The following GALM variants were observed in gnomAD, a reference collection of about 807,000 sequenced individuals.
GALM encodes galactose mutarotase.
In GALM, 43 loss-of-function variants were observed where a neutral mutation model predicts 37.4. The observed-to-expected ratio is 1.15, with a 90% CI of 0.90 to 1.48. The LOEUF is 1.48. Ranked by LOEUF, GALM falls within the 40% of genes most tolerant of loss-of-function variation. GALM has a pLI of 0.00. For synonymous variants in GALM, 199 were observed against 170.6 expected (o/e 1.17, Z -1.30); for missense variants, 456 against 419.1 (o/e 1.09, Z -0.77).
intron 4 of GALM, among the ~76,000 whole-genome samples, chr2:38,703,530 T>C (rs1278556943): frequency 6.6e-6 from 1 of 152,142 alleles, no homozygotes; most frequent in Non-Finnish European, 1.5e-5. Flanking sequence ...CTGGGCCTCA[T>C]TGACTGAATC....
intron 4 of GALM, among the ~76,000 whole-genome samples, chr2:38,711,913 T>C (rs1666181084): frequency 1.9e-5 from 2 of 106,438 alleles, no homozygotes; most frequent in South Asian, 6.9e-4. Flanking sequence ...CTACATTTAC[T>C]GATTTAATTC....
chr2:38,701,574 C>G (rs1821123), intron 4 of GALM, among the ~76,000 whole-genome samples: 83,284 of 151,972 alleles, frequency 0.55, 23,291 homozygotes, highest in East Asian at 0.7. Flanking sequence ...AAAATTACAT[C>G]AAAGCAACCC....
chr2:38,695,498 T>G, intron 4 of GALM, among the ~76,000 whole-genome samples: 1 of 152,156 alleles, frequency 6.6e-6, no homozygotes, highest in South Asian at 2.1e-4. Flanking sequence ...ACCTGGCTTT[T>G]CCTGGGGTGG....
intron 2 of GALM, among the ~76,000 whole-genome samples, chr2:38,677,447 G>A (rs1291951061): frequency 1.3e-5 from 2 of 152,162 alleles, no homozygotes; most frequent in Non-Finnish European, 2.9e-5. Context: ...CCTCAGTGAT[G>A]GGATTCTTCA....
chr2:38,676,276 G>A (rs1420306848), intron 2 of GALM, among the ~76,000 whole-genome samples: 2 of 152,160 alleles, frequency 1.3e-5, no homozygotes, highest in African/African-American at 2.4e-5. Context: ...GGAGCCCCAA[G>A]AGAAAGGATG....
intron 4 of GALM, among the ~76,000 whole-genome samples, chr2:38,692,788 G>T (rs2148437630): frequency 6.6e-6 from 1 of 152,298 alleles, no homozygotes; most frequent in South Asian, 2.1e-4. Flanking sequence ...TAGAGGAAAT[G>T]AGAGTTAAAT....
intron 4 of GALM, among the ~76,000 whole-genome samples, chr2:38,696,839 G>C (rs1351296939): frequency 2.1e-5 from 3 of 142,262 alleles, no homozygotes; most frequent in Non-Finnish European, 4.5e-5. Flanking sequence ...AACCAGGCTG[G>C]AGTGCAGTGG....
At chr2:38,669,916 G>A (rs899184801) in intron 1 of GALM, among the ~76,000 whole-genome samples, 4 of 145,532 alleles carry the variant, frequency 2.7e-5, no homozygotes, top group African/African-American at 1.0e-4. Flanking sequence ...TTTTTTTAGT[G>A]CAGTGGCGCT....
At chr2:38,693,452 C>T (rs989046162) in intron 4 of GALM, among the ~76,000 whole-genome samples, 1 of 147,526 alleles carries the variant, frequency 6.8e-6, no homozygotes, top group African/African-American at 2.5e-5. Context: ...CACTTTACTC[C>T]AGCCTGGGAA....
At chr2:38,708,731 G>GAAAAAA (rs35151264) in intron 4 of GALM, among the ~76,000 whole-genome samples, 8 of 91,464 alleles carry the variant, frequency 8.7e-5, no homozygotes, top group East Asian at 2.8e-4. Context: ...TCTGTCTCAA[G>GAAAAAA]AAAAAAAAAA....
intron 4 of GALM, among the ~76,000 whole-genome samples, chr2:38,720,778 C>T (rs1336570039): frequency 6.6e-6 from 1 of 152,152 alleles, no homozygotes; most frequent in Non-Finnish European, 1.5e-5. Flanking sequence ...GGGCTGTCAG[C>T]CAGAACAGCC....
At chr2:38,674,412 TC>T (rs1665188105) in intron 1 of GALM, among the ~76,000 whole-genome samples, 1 of 152,076 alleles carries the variant, frequency 6.6e-6, no homozygotes, top group Admixed American at 6.6e-5. Flanking sequence ...ATGGTCTCAA[TC>T]TCTTGACCTC....
intron 5 of GALM, among the ~76,000 whole-genome samples, chr2:38,731,387 A>C (rs1338639279): frequency 3.5e-5 from 4 of 113,738 alleles, no homozygotes; most frequent in Non-Finnish European, 3.6e-5. Flanking sequence ...ATAGAGAAAG[A>C]CTCTATTTCA....
chr2:38,734,669 T>C lies in GALM; in HGVS notation c.*1104T>C, dbSNP rs1666673207. 1 of 133,624 alleles carries C rather than the reference T, an allele frequency of 7.5e-6. No individual in the cohort carries two copies. Among genetic ancestry groups the C allele is most frequent in the Non-Finnish European group, 1.5e-5 (1 of 64,630 alleles). 8.3% of individuals were successfully genotyped at this position (133,624 alleles called of 1,614,324 possible). ...TCCTAGACAATCAAAGTATCAGTGATGGGTTTTGGTTGGTGATTTTGAAAA... is the reference window on the plus strand; with the variant it reads ...TCCTAGACAATCAAAGTATCAGTGACGGGTTTTGGTTGGTGATTTTGAAAA... On this transcript the variant is annotated 3_prime_UTR_variant, in exon 7 of 7. Transcript: ENST00000272252.
chr2:38,682,304 TG>T (rs749437031), intron 3 of GALM: 1 of 451,454 alleles, frequency 2.2e-6, no homozygotes, highest in South Asian at 1.6e-5. Context: ...AGCTAAACTC[TG>T]TAGATTATAT....
chr2:38,723,239 A>G (rs977781464), intron 4 of GALM, among the ~76,000 whole-genome samples: 4 of 152,184 alleles, frequency 2.6e-5, no homozygotes, highest in African/African-American at 9.6e-5. Context: ...ACTAACTCAG[A>G]GTTGAGAGGC....
chr2:38,733,766 T>G lies in GALM; in HGVS notation c.*201T>G. ...AGGCCATGTCTAATGACCAGCTCGA[T>G]TCCCTGTGCAGTTCAGAGGGCAAGT... On this transcript the variant is annotated 3_prime_UTR_variant, in exon 7 of 7. Coordinates refer to ENST00000272252, the MANE Select transcript of GALM (RefSeq NM_138801.3). 7.1e-6 allele frequency: 4 copies of G among 564,292 alleles called. No individual in the cohort carries two copies. Among genetic ancestry groups the G allele is most frequent in the East Asian group, 3.4e-5 (1 of 29,376 alleles). 35.0% of individuals were successfully genotyped at this position (564,292 alleles called of 1,614,324 possible).
intron 1 of GALM, chr2:38,671,455 G>A (rs1158603340): frequency 1.3e-5 from 2 of 152,150 alleles, no homozygotes; most frequent in East Asian, 3.9e-4. Context: ...GAGACAGAAA[G>A]GAGGGGAAAT....
intron 1 of GALM, among the ~76,000 whole-genome samples, chr2:38,670,535 G>A (rs544382323): frequency 1.3e-3 from 202 of 152,200 alleles, no homozygotes; most frequent in African/African-American, 4.4e-3. Flanking sequence ...AAAGCTGTGC[G>A]ACCCCGGGCA....
Sources: allele counts gnomAD v4.1 joint callset (sites outside exome capture counted in the v4.1 genomes callset), GRCh38; gene constraint gnomAD v4.1.1; transcripts MANE v1.5; gene names NCBI Gene and HGNC (gene_info 2026-07-23, HGNC 2026-07-21).